ERAS: variants seen among roughly 807,000 people sequenced by gnomAD.
ERAS encodes the protein GTPase ERas.
For synonymous variants in ERAS, 87 were observed against 89.1 expected (o/e 0.98, Z 0.13); for missense variants, 137 against 199.2 (o/e 0.69, Z 1.88).
At chrX:48,828,262 C>T (rs2063164440) in intron 1 of ERAS, among the ~76,000 whole-genome samples, 1 of 111,003 alleles carries the variant, frequency 9.0e-6, no homozygotes, top group African/African-American at 3.3e-5. Flanking sequence ...CTCCTGACCT[C>T]AGGTGATCCA....
chrX:48,828,024 T>TC (rs1231346888), intron 1 of ERAS, among the ~76,000 whole-genome samples: 1 of 103,238 alleles, frequency 9.7e-6, no homozygotes, highest in Non-Finnish European at 2.0e-5. Flanking sequence ...TAGTTCACTT[T>TC]TTTTTTTTTT....
Position 48,829,237 on chromosome X carries a change from G to A in ERAS, c.114G>A (p.Gln38=), listed in dbSNP as rs1032411630. 1.7e-6 allele frequency: 2 copies of A among 1,199,492 alleles called. No individual in the cohort carries two copies. The highest frequency in any genetic ancestry group is 2.2e-5 in the Admixed American group (1 of 44,648). Residue 38 remains glutamine (Q), a synonymous_variant, in exon 2 of 2, where the codon CAG becomes CAA. Coordinates refer to ENST00000636362, the MANE Select transcript of ERAS (RefSeq NM_181532.3). The part of the protein sequence containing the change: ...AQARRRDVGR[Q]LPEYKAVVVG... ...CACGCCGCAGGGATGTTGGCAGGCAGCTGCCTGAGTACAAGGCTGTGGTGG... is the reference window on the plus strand; with the variant it reads ...CACGCCGCAGGGATGTTGGCAGGCAACTGCCTGAGTACAAGGCTGTGGTGG...
chrX:48,828,972 T>C (rs1344964802), intron 1 of ERAS, 109 bp from the exon 2 acceptor site: 3 of 413,838 alleles, frequency 7.2e-6, no homozygotes, highest in Non-Finnish European at 1.2e-5. Context: ...CAGCACACAA[T>C]AGGCATTCAA....
chrX:48,829,165 G>A lies in ERAS; in HGVS notation c.42G>A (p.Leu14=). Reference sequence around the variant, plus strand: ...AGCCTGGCACCTTCGACCTGGGCCTGGCCACATGGAGCCCTTCCTTCCAGG... The same window carrying A: ...AGCCTGGCACCTTCGACCTGGGCCTAGCCACATGGAGCCCTTCCTTCCAGG... ...PTKPGTFDLG[L]ATWSPSFQGE... is the part of the protein sequence containing the mutation. Residue 14 remains leucine, a synonymous_variant, in exon 2 of 2, where the codon CTG becomes CTA. Transcript: ENST00000636362. 1.8e-6 allele frequency: 2 copies of A among 1,132,212 alleles called. No individual in the cohort carries two copies. The highest frequency in any genetic ancestry group is 2.3e-6 in the Non-Finnish European group (2 of 856,206). The allele number at this position is 1,132,212 out of a possible 1,213,427, so 93.3% of individuals were successfully genotyped here. A position where few individuals can be genotyped will look rare whatever the true frequency, so the allele number is the denominator to read the frequency against.
At chrX:48,827,383 G>A (rs2063162405) in intron 1 of ERAS, among the ~76,000 whole-genome samples, 1 of 110,869 alleles carries the variant, frequency 9.0e-6, no homozygotes, top group Admixed American at 9.5e-5. Context: ...GCCCCTCCCC[G>A]CAGTCCTCCA....
At position 48,829,720 on chromosome X, in the gene ERAS, C is replaced by T; in HGVS notation, c.597C>T (p.Ile199=). 8.3e-7 allele frequency: 1 copy of T among 1,205,341 alleles called. No homozygotes were observed. Among genetic ancestry groups the T allele is most frequent in the Non-Finnish European group, 1.1e-6 (1 of 892,192 alleles). The change falls in exon 2 of 2, where the codon ATC becomes ATT. Residue 199 remains isoleucine, a synonymous_variant. Transcript: ENST00000636362. ...CCTTTTCCCTGCTGGTCCATGAGATCCAGAGGGTCCAGGAGGCCATGGCGA... is the reference window on the plus strand; with the variant it reads ...CCTTTTCCCTGCTGGTCCATGAGATTCAGAGGGTCCAGGAGGCCATGGCGA... ...EEAFSLLVHE[I]QRVQEAMAKE...
chrX:48,829,474 G>T lies in ERAS; in HGVS notation c.351G>T (p.Leu117=). 1.7e-6 allele frequency: 2 copies of T among 1,211,796 alleles called. No individual in the cohort carries two copies. The highest frequency in any genetic ancestry group is 2.2e-6 in the Non-Finnish European group (2 of 895,356). Residue 117 remains leucine (L), a synonymous_variant, in exon 2 of 2, where the codon CTG becomes CTT. Coordinates refer to ENST00000636362, the MANE Select transcript of ERAS (RefSeq NM_181532.3). ...DQCLAVCDGV[L]GVFALDDPSS... ...GCCTGGCTGTCTGTGATGGTGTGCT[G>T]GGCGTCTTCGCTCTCGATGACCCCT...
chrX:48,826,715 C>A (rs1168880130), intron 1 of ERAS, among the ~76,000 whole-genome samples, 166 bp downstream of exon 1: 1 of 112,163 alleles, frequency 8.9e-6, no homozygotes, highest in Non-Finnish European at 1.9e-5. Flanking sequence ...GCCGCCTCAC[C>A]CGGAGTCGGG....
Position 48,829,239 on chromosome X carries a change from T to C in ERAS, c.116T>C (p.Leu39Pro). ...QARRRDVGRQLPEYKAVVVGA... is the reference protein window; with the variant it reads ...QARRRDVGRQPPEYKAVVVGA... ...CGCCGCAGGGATGTTGGCAGGCAGC[T>C]GCCTGAGTACAAGGCTGTGGTGGTG... The change falls in exon 2 of 2, where the codon CTG (leucine) becomes CCG (proline). Residue 39 changes from leucine (L) to proline (P), a missense_variant. Leu to Pro is a moderately conservative substitution (Grantham distance 98). Transcript: ENST00000636362. The C allele has an allele frequency of 8.3e-7, 1 of 1,200,672 alleles. No individual in the cohort carries two copies. The highest frequency in any genetic ancestry group is 1.8e-5 in the South Asian group (1 of 54,553).
intron 1 of ERAS, among the ~76,000 whole-genome samples, chrX:48,827,122 C>T (rs1208452571): frequency 8.9e-6 from 1 of 112,008 alleles, no homozygotes; most frequent in African/African-American, 3.2e-5. Context: ...CCTCCCTGCG[C>T]GTCGCGGGGA....
Position 48,829,588 on chromosome X carries a change from T to C in ERAS, c.465T>C (p.Leu155=). ...PLVLVGNKCD[L]VTTAGDAHAA... is the part of the protein sequence containing the mutation. ...TCCTCGTGGGCAACAAGTGTGACCT[T>C]GTGACCACTGCTGGAGATGCTCATG... The change falls in exon 2 of 2, where the codon CTT becomes CTC. Residue 155 remains leucine, a synonymous_variant. Transcript: ENST00000636362. The C allele has an allele frequency of 8.3e-7, 1 of 1,209,490 alleles. No individual in the cohort carries two copies. Among genetic ancestry groups the C allele is most frequent in the East Asian group, 3.0e-5 (1 of 33,826 alleles).
At position 48,826,542 on chromosome X, in the gene ERAS, G is replaced by A. The variant is rs1218948229; in HGVS notation, c.-51G>A. 1 of 112,164 alleles carries A rather than the reference G, an allele frequency of 8.9e-6. No homozygotes were observed. The highest frequency in any genetic ancestry group is 1.9e-5 in the Non-Finnish European group (1 of 52,891). The allele number at this position is 112,164 out of a possible 1,213,427, so 9.2% of individuals were successfully genotyped here. A position where few individuals can be genotyped will look rare whatever the true frequency, so the allele number is the denominator to read the frequency against. Reference sequence around the variant, plus strand: ...CGTCCCAGCGCGCCCGCCTCCCCACGGACACAGGTGAGCGAGGCGCCGGTG... The same window carrying A: ...CGTCCCAGCGCGCCCGCCTCCCCACAGACACAGGTGAGCGAGGCGCCGGTG... On this transcript the variant is annotated 5_prime_UTR_variant, in exon 1 of 2. Transcript: ENST00000636362.
intron 1 of ERAS, among the ~76,000 whole-genome samples, chrX:48,827,111 G>A (rs1557032741): frequency 8.9e-6 from 1 of 112,114 alleles, no homozygotes; most frequent in African/African-American, 3.2e-5. Flanking sequence ...CAGGGCCGCG[G>A]CCTCCCTGCG....
rs782765893 is a variant in ERAS, at chrX:48,829,640, TG to T, written c.523del (p.Ala175ProfsTer67). ...HAAAAALAHS[W>X]GAHFVETSAK... ...CGCTGCTGCAGCCCTCGCACACAGCTGGGGGGCCCACTTCGTGGAGACCTCG... is the reference window on the plus strand; with the variant it reads ...CGCTGCTGCAGCCCTCGCACACAGCTGGGGGCCCACTTCGTGGAGACCTCG... On this transcript the variant is annotated frameshift_variant, in exon 2 of 2. Transcript: ENST00000636362. LOFTEE classifies it low-confidence loss of function (END_TRUNC). 6 of 1,210,793 alleles carry T rather than the reference TG, an allele frequency of 5.0e-6. No homozygotes were observed. In the South Asian group the frequency reaches 8.8e-5, roughly 18 times the overall value.
At chrX:48,826,872 C>G (rs1023179977) in intron 1 of ERAS, among the ~76,000 whole-genome samples, 1 of 112,822 alleles carries the variant, frequency 8.9e-6, no homozygotes, top group Admixed American at 9.2e-5. Context: ...GCCCTAACCC[C>G]AGGTCCCGGC....
intron 1 of ERAS, among the ~76,000 whole-genome samples, chrX:48,827,110 G>A (rs1557032737): frequency 1.8e-5 from 2 of 112,087 alleles, no homozygotes; most frequent in Admixed American, 1.9e-4. Flanking sequence ...CCAGGGCCGC[G>A]GCCTCCCTGC....
At position 48,829,276 on chromosome X, in the gene ERAS, C is replaced by T. The variant is rs782675881; in HGVS notation, c.153C>T (p.Gly51=). The stretch of plus-strand genomic sequence containing the variant: ...AGGCTGTGGTGGTGGGCGCCAGTGG[C>T]GTGGGCAAGAGTGCGCTGACCATCC... ...EYKAVVVGAS[G]VGKSALTIQL... Residue 51 remains glycine, a synonymous_variant, in exon 2 of 2, where the codon GGC becomes GGT. Transcript: ENST00000636362. The T allele has an allele frequency of 4.7e-5, 57 of 1,209,227 alleles. No individual in the cohort carries two copies. Among genetic ancestry groups the T allele is most frequent in the African/African-American group, 8.7e-5 (5 of 57,654 alleles).
chrX:48,826,724 G>A (rs1378360115), intron 1 of ERAS, among the ~76,000 whole-genome samples, 175 bp downstream of exon 1: 1 of 112,108 alleles, frequency 8.9e-6, no homozygotes, highest in Non-Finnish European at 1.9e-5. Context: ...CCCGGAGTCG[G>A]GATGGGTCTT....
chrX:48,829,094 C>T lies in ERAS; in HGVS notation c.-30C>T, dbSNP rs2063165892. 4.6e-6 allele frequency: 5 copies of T among 1,079,040 alleles called. No individual in the cohort carries two copies. The highest frequency in any genetic ancestry group is 2.4e-5 in the South Asian group (1 of 41,071). 88.9% of individuals were successfully genotyped at this position (1,079,040 alleles called of 1,213,427 possible). ...TCCCACTTGCAGAGCCTGCTGCCCACGTCTCTTCCCTGAGCTGCCTGCTGG... is the reference window on the plus strand; with the variant it reads ...TCCCACTTGCAGAGCCTGCTGCCCATGTCTCTTCCCTGAGCTGCCTGCTGG... On this transcript the variant is annotated 5_prime_UTR_variant, in exon 2 of 2. It adds an upstream start codon to the 5' untranslated region. Transcript: ENST00000636362.
Sources: gnomAD v4.1 joint callset for allele counts (sites outside exome capture counted in the v4.1 genomes callset) on GRCh38, gnomAD v4.1.1 for gene constraint, MANE v1.5 for transcripts, NCBI Gene and HGNC (gene_info 2026-07-23, HGNC 2026-07-21) for gene names.